Variants in ARID4B observed in about 807,000 individuals in gnomAD.
The protein encoded by ARID4B is AT-rich interactive domain-containing protein 4B.
A neutral mutation model predicts 147.5 loss-of-function variants in ARID4B; 26 were observed. The ratio of observed to expected loss-of-function variants is 0.18; its 90% confidence interval spans 0.13 to 0.24. The LOEUF (loss-of-function observed/expected upper bound fraction) is 0.24. ARID4B is among the 10% of genes least tolerant of loss of function. The pLI, the probability that ARID4B is intolerant of heterozygous loss-of-function variation, is 1.00. For missense variants in ARID4B, 1,179 were observed against 1,511.5 expected, an observed-to-expected ratio of 0.78 and a Z score of 3.65; for synonymous variants, 512 against 507.9, an observed-to-expected ratio of 1.01 and a Z score of -0.11.
chr1:235,298,076 G>A (rs1672867594), intron 2 of ARID4B, among the ~76,000 whole-genome samples: 1 of 152,158 alleles, frequency 6.6e-6, no homozygotes, highest in Non-Finnish European at 1.5e-5. Flanking sequence ...GAAAGTTCAA[G>A]TGTGTCAGAG....
At chr1:235,303,175 G>C (rs553633516) in intron 2 of ARID4B, among the ~76,000 whole-genome samples, 44 of 151,742 alleles carry the variant, frequency 2.9e-4, no homozygotes, top group African/African-American at 7.5e-4. Flanking sequence ...CGCCTGCCTC[G>C]GCCTCCCAGA....
intron 2 of ARID4B, among the ~76,000 whole-genome samples, chr1:235,304,125 G>A (rs1318423154): frequency 6.6e-6 from 1 of 152,172 alleles, no homozygotes; most frequent in Non-Finnish European, 1.5e-5. Context: ...GGAAGGCTGC[G>A]GTGGACAGAT....
Position 235,168,342 on chromosome 1 carries a change from A to G in ARID4B, c.*183T>C. On this transcript the variant is annotated 3_prime_UTR_variant, in exon 24 of 24. Transcript: ENST00000264183. ...TTGGAAACAATTATTGCTTGAGGAA[A>G]AGCAGTTCATTGTACTTTTTCTTCA... 1.7e-6 allele frequency: 1 copy of G among 578,476 alleles called. No homozygotes were observed. The highest frequency in any genetic ancestry group is 3.6e-5 in the Admixed American group (1 of 27,602). 35.8% of individuals were successfully genotyped at this position (578,476 alleles called of 1,614,324 possible).
intron 2 of ARID4B, among the ~76,000 whole-genome samples, chr1:235,263,787 A>C (rs1366313635): frequency 6.6e-6 from 1 of 151,864 alleles, no homozygotes; most frequent in Non-Finnish European, 1.5e-5. Context: ...GGAGATCAAA[A>C]CCATCCTGGC....
At position 235,168,389 on chromosome 1, in the gene ARID4B, C is replaced by G; in HGVS notation, c.*136G>C. 1 of 1,037,022 alleles carries G rather than the reference C, an allele frequency of 9.6e-7. No individual in the cohort carries two copies. Among genetic ancestry groups the G allele is most frequent in the Non-Finnish European group, 1.3e-6 (1 of 765,202 alleles). The allele number at this position is 1,037,022 out of a possible 1,614,324, so 64.2% of individuals were successfully genotyped here. On this transcript the variant is annotated 3_prime_UTR_variant, in exon 24 of 24. Transcript: ENST00000264183. ...TTCATAAAAAAGTGCACTTAAGTGC[C>G]AAGTCAGCTTGTCAAGAAACAATTT...
intron 2 of ARID4B, among the ~76,000 whole-genome samples, chr1:235,310,907 G>A (rs866432465): frequency 1.6e-4 from 25 of 152,136 alleles, no homozygotes; most frequent in African/African-American, 6.0e-4. Context: ...CTGGGTTCAA[G>A]TAATCCACCC....
At position 235,182,735 on chromosome 1, in the gene ARID4B, C is replaced by G. The variant is rs1455045218; in HGVS notation, c.2184G>C (p.Met728Ile). 1 of 1,612,580 alleles carries G rather than the reference C, an allele frequency of 6.2e-7. No individual in the cohort carries two copies. The highest frequency in any genetic ancestry group is 2.2e-5 in the East Asian group (1 of 44,856). The change falls in exon 20 of 24, where the codon ATG (methionine) becomes ATC (isoleucine). Residue 728 changes from methionine to isoleucine, a missense_variant. This residue lies in a region of ARID4B where 321 missense variants were observed against 342.4 expected (regional missense o/e 0.94). Transcript: ENST00000264183. Reference protein sequence around the residue: ...EQEDERGAQDMDNNGKEESKI... With the variant: ...EQEDERGAQDIDNNGKEESKI... The stretch of plus-strand genomic sequence containing the variant: ...TAGATTCCTCTTTGCCATTATTATC[C>G]ATGTCTTGAGCACCTCTCTCATCTT...
chr1:235,199,494 T>C (rs1359902192), intron 17 of ARID4B, among the ~76,000 whole-genome samples: 1 of 152,196 alleles, frequency 6.6e-6, no homozygotes, highest in African/African-American at 2.4e-5. Flanking sequence ...ATTTCACAAG[T>C]TAAGAAATTC....
chr1:235,286,426 G>C (rs1050776307), intron 2 of ARID4B, among the ~76,000 whole-genome samples: 1 of 152,208 alleles, frequency 6.6e-6, no homozygotes, highest in Non-Finnish European at 1.5e-5. Flanking sequence ...TTTTCATGGA[G>C]TGTAGTGGAG....
chr1:235,263,795 G>A (rs1250389762), intron 2 of ARID4B, among the ~76,000 whole-genome samples: 4 of 151,584 alleles, frequency 2.6e-5, no homozygotes, highest in African/African-American at 4.9e-5. Flanking sequence ...AAACCATCCT[G>A]GCTAACACGG....
At chr1:235,170,828 G>A (rs1663288584) in intron 23 of ARID4B, among the ~76,000 whole-genome samples, 1 of 149,056 alleles carries the variant, frequency 6.7e-6, no homozygotes, top group Non-Finnish European at 1.5e-5. Context: ...CAGGAGAATC[G>A]CTTGAACCGG....
rs146467305 is a variant in ARID4B at position 235,202,850 on chromosome 1, G to A, written c.1842-6735C>T. On this transcript the variant is annotated intron_variant, in intron 17 of 23. Transcript: ENST00000264183. ...CAGGCGTGAGCCACCACACCTGGCC[G>A]TAGAATGAAAAATTATATGAGACTC... is the stretch of plus-strand genomic sequence containing the variant. 8.5e-3 allele frequency among the ~76,000 whole-genome samples: 1,297 copies of A among 151,972 alleles called. 7 individuals carry two copies. The highest frequency in any genetic ancestry group is 0.027 in the Middle Eastern group (8 of 294).
intron 19 of ARID4B, among the ~76,000 whole-genome samples, chr1:235,189,399 CAAAAAAAAA>C (rs11299121): frequency 1.7e-5 from 1 of 58,920 alleles, no homozygotes; most frequent in Non-Finnish European, 2.8e-5. Context: ...GACTCAGTCT[CAAAAAAAAA>C]AAAAAAAAAA....
At chr1:235,202,151 T>C (rs1351816630) in intron 17 of ARID4B, among the ~76,000 whole-genome samples, 3 of 151,718 alleles carry the variant, frequency 2.0e-5, no homozygotes, top group East Asian at 3.9e-4. Flanking sequence ...AGGAAATAAA[T>C]TAATTTTGCA....
rs1667280590 is a variant in ARID4B, at chr1:235,219,119, C to G, written c.1583+674G>C. Among the ~76,000 whole-genome samples the G allele has an allele frequency of 2.6e-5, 4 of 152,218 alleles. No individual in the cohort carries two copies. The South Asian group carries it at 8.3e-4, about 32-fold the overall frequency. Reference sequence around the variant, plus strand: ...CATCAAGTGATCTGCCCGCCCCGGTCTCCCAAAAGTGCTGGGATTACAGGC... The same window carrying G: ...CATCAAGTGATCTGCCCGCCCCGGTGTCCCAAAAGTGCTGGGATTACAGGC... On this transcript the variant is annotated intron_variant, in intron 16 of 23. Coordinates refer to ENST00000264183, the MANE Select transcript of ARID4B (RefSeq NM_016374.6).
chr1:235,273,211 G>A (rs72758006), intron 2 of ARID4B, among the ~76,000 whole-genome samples: 19,960 of 152,028 alleles, frequency 0.13, 1,525 homozygotes, highest in African/African-American at 0.2. Flanking sequence ...CTAATTTCAT[G>A]TGTGTGTATT....
At chr1:235,306,379 T>A (rs1673560845) in intron 2 of ARID4B, among the ~76,000 whole-genome samples, 1 of 151,796 alleles carries the variant, frequency 6.6e-6, no homozygotes, top group Non-Finnish European at 1.5e-5. Context: ...GGCACACACC[T>A]GTAGTCCCAG....
intron 2 of ARID4B, among the ~76,000 whole-genome samples, chr1:235,313,607 C>T (rs1238483089): frequency 6.6e-6 from 1 of 152,154 alleles, no homozygotes; most frequent in African/African-American, 2.4e-5. Flanking sequence ...AAAGGCTATA[C>T]AGATGGATGC....
At chr1:235,214,231 A>G (rs1408952280) in intron 16 of ARID4B, among the ~76,000 whole-genome samples, 2 of 152,224 alleles carry the variant, frequency 1.3e-5, no homozygotes, top group African/African-American at 4.8e-5. Flanking sequence ...CATTTAGAGA[A>G]AATGAAGATT....
Sources: allele counts gnomAD v4.1 joint callset (sites outside exome capture counted in the v4.1 genomes callset), GRCh38; gene constraint gnomAD v4.1.1; regional missense constraint gnomAD v4.1.1; transcripts MANE v1.5; gene names NCBI Gene and HGNC (gene_info 2026-07-23, HGNC 2026-07-21).